The following BRD10 variants were observed in gnomAD, a reference collection of about 807,000 sequenced individuals.
BRD10 encodes uncharacterized bromodomain-containing protein 10.
At chr9:5,968,642 C>T in the BRD10 span, 1 of 1,613,876 alleles carries the variant, frequency 6.2e-7, no homozygotes, top group East Asian at 2.2e-5. Context: ...AGAGGGCAGG[C>T]TATCTCTGCT....
At chr9:5,933,783 A>G in the BRD10 span, 2 of 471,334 alleles carry the variant, frequency 4.2e-6, no homozygotes, top group Non-Finnish European at 8.8e-6. Flanking sequence ...ATTCTGCTAC[A>G]GTAATCTGGG....
At chr9:5,908,843 T>A in the BRD10 span, 1 of 783,102 alleles carries the variant, frequency 1.3e-6, no homozygotes. Context: ...AAGTCAGTGT[T>A]AAAATTTTAG....
the BRD10 span, among the ~76,000 whole-genome samples, chr9:5,936,365 AAATGAAT>A: frequency 3.3e-5 from 5 of 152,202 alleles, no homozygotes; most frequent in Non-Finnish European, 5.9e-5. Context: ...AAAAACAAAT[AAATGAAT>A]AATTTATCAG....
chr9:5,972,117 T>C, the BRD10 span, among the ~76,000 whole-genome samples: 4 of 152,144 alleles, frequency 2.6e-5, no homozygotes, highest in East Asian at 3.9e-4. Context: ...GTCTAGACTT[T>C]AAGGAACTCC....
the BRD10 span, among the ~76,000 whole-genome samples, chr9:5,992,397 G>T: frequency 6.6e-6 from 1 of 152,032 alleles, no homozygotes; most frequent in Non-Finnish European, 1.5e-5. Context: ...AAAGAATCCC[G>T]ATTAAACATG....
chr9:5,921,438 G>A, the BRD10 span: 8 of 1,613,904 alleles, frequency 5.0e-6, no homozygotes, highest in Non-Finnish European at 6.8e-6. Flanking sequence ...ACAAGAGTTG[G>A]GGTTGATGTA....
the BRD10 span, among the ~76,000 whole-genome samples, chr9:6,002,752 C>T: frequency 6.6e-6 from 1 of 151,562 alleles, no homozygotes; most frequent in Non-Finnish European, 1.5e-5. Flanking sequence ...TCTCGGCTCA[C>T]CGCAATCTCC....
chr9:5,967,906 C>G, the BRD10 span: 4 of 661,680 alleles, frequency 6.0e-6, no homozygotes, highest in Non-Finnish European at 1.0e-5. Flanking sequence ...CAAATATACA[C>G]GCATGCATAC....
chr9:5,999,753 G>A, the BRD10 span, among the ~76,000 whole-genome samples: 1 of 152,216 alleles, frequency 6.6e-6, no homozygotes, highest in East Asian at 1.9e-4. Flanking sequence ...CTTATTGCCT[G>A]AATAACCTCT....
the BRD10 span, among the ~76,000 whole-genome samples, chr9:6,002,730 G>A: frequency 1.3e-5 from 2 of 149,700 alleles, no homozygotes; most frequent in African/African-American, 2.5e-5. Flanking sequence ...AGGCTGGAGT[G>A]CAGCAGCACC....
chr9:5,893,680 T>C, the BRD10 span, among the ~76,000 whole-genome samples: 15 of 152,194 alleles, frequency 9.9e-5, no homozygotes, highest in Non-Finnish European at 1.8e-4. Context: ...CAACAGACTC[T>C]TTAAAATATA....
At chr9:5,907,435 T>C in the BRD10 span, among the ~76,000 whole-genome samples, 9 of 152,360 alleles carry the variant, frequency 5.9e-5, no homozygotes, top group East Asian at 1.3e-3. Flanking sequence ...ACTAGTCACA[T>C]GGTGCTATTG....
the BRD10 span, among the ~76,000 whole-genome samples, chr9:5,953,609 C>T: frequency 6.6e-6 from 1 of 151,884 alleles, no homozygotes; most frequent in South Asian, 2.1e-4. Context: ...AACGAACTAT[C>T]TAGGCACTAT....
chr9:5,884,466 G>C, the BRD10 span, among the ~76,000 whole-genome samples: 1 of 152,144 alleles, frequency 6.6e-6, no homozygotes, highest in Non-Finnish European at 1.5e-5. Flanking sequence ...TCACCAGACC[G>C]GTCTGGGGCC....
chr9:5,921,571 C>T, the BRD10 span: 2 of 1,613,758 alleles, frequency 1.2e-6, no homozygotes, highest in African/African-American at 2.7e-5. Flanking sequence ...GAGCTGATAC[C>T]AGCATAAGTT....
At chr9:5,949,096 C>T in the BRD10 span, among the ~76,000 whole-genome samples, 5 of 152,088 alleles carry the variant, frequency 3.3e-5, no homozygotes, top group African/African-American at 1.2e-4. Flanking sequence ...GGAAGAACTC[C>T]TGCTGTTAAA....
At chr9:5,919,213 G>C in the BRD10 span, 1 of 153,366 alleles carries the variant, frequency 6.5e-6, no homozygotes, top group East Asian at 1.9e-4. Context: ...TTACATCATG[G>C]ACTGCATTTT....
the BRD10 span, chr9:5,968,173 T>G: frequency 6.2e-7 from 1 of 1,607,912 alleles, no homozygotes; most frequent in Non-Finnish European, 8.5e-7. Flanking sequence ...TTTTTTTCTT[T>G]TTCTTCTTTT....
the BRD10 span, among the ~76,000 whole-genome samples, chr9:5,962,234 C>T: frequency 4.7e-5 from 7 of 149,386 alleles, no homozygotes; most frequent in South Asian, 6.5e-4. Context: ...ATATCACCAC[C>T]GATCCCACAG....
Sources: gnomAD v4.1 joint callset for allele counts (sites outside exome capture counted in the v4.1 genomes callset) on GRCh38, gnomAD v4.1.1 for gene constraint, MANE v1.5 for transcripts, NCBI Gene and HGNC (gene_info 2026-07-23, HGNC 2026-07-21) for gene names.